The following TPST2 variants were observed in gnomAD, a reference collection of about 807,000 sequenced individuals.
TPST2 encodes the protein protein-tyrosine sulfotransferase 2.
In TPST2, 16 loss-of-function variants were observed where a neutral mutation model predicts 27.8. That is an observed-to-expected ratio of 0.58 (90% CI 0.39 to 0.88). The LOEUF (loss-of-function observed/expected upper bound fraction) is 0.88. TPST2 is among the 40% of genes least tolerant of loss of function. The pLI, the probability that TPST2 is intolerant of heterozygous loss-of-function variation, is 0.00. For missense variants in TPST2, 464 were observed against 543.1 expected (o/e 0.85, Z 1.45); for synonymous variants, 229 against 231.7 (o/e 0.99, Z 0.10).
chr22:26,540,878 G>T lies in TPST2; in HGVS notation c.753C>A (p.Leu251=), dbSNP rs1333950914. ...LVLHPRRSLK[L]ILDFLGIAWS... Reference sequence around the variant, plus strand: ...AGGCGATGCCGAGGAAGTCGAGGATGAGCTTGAGTGAGCGCCTGGGGTGCA... The same window carrying T: ...AGGCGATGCCGAGGAAGTCGAGGATTAGCTTGAGTGAGCGCCTGGGGTGCA... Residue 251 remains leucine (L), a synonymous_variant, in exon 3 of 7, where the codon CTC becomes CTA. Transcript: ENST00000338754. The T allele has an allele frequency of 5.0e-6, 8 of 1,614,156 alleles. No homozygotes were observed. Among genetic ancestry groups the T allele is most frequent in the Non-Finnish European group, 6.8e-6 (8 of 1,180,024 alleles).
chr22:26,584,562 G>A (rs926099601), intron 1 of TPST2, among the ~76,000 whole-genome samples: 1 of 152,118 alleles, frequency 6.6e-6, no homozygotes, highest in African/African-American at 2.4e-5. Context: ...GCACTTGAGA[G>A]GCCAAGGTGG....
At chr22:26,584,257 C>G (rs575374349) in intron 1 of TPST2, among the ~76,000 whole-genome samples, 1 of 152,130 alleles carries the variant, frequency 6.6e-6, no homozygotes. Context: ...TGCTTCCAAG[C>G]TCTGCTGTGC....
At chr22:26,544,573 T>C in intron 2 of TPST2, 31 bp downstream of exon 2, 1 of 984,528 alleles carries the variant, frequency 1.0e-6, no homozygotes, top group East Asian at 1.1e-4. Flanking sequence ...GGGCCAGGAC[T>C]CCAGGGGAAG....
chr22:26,541,860 T>C lies in TPST2; in HGVS notation c.-88-142A>G. The C allele has an allele frequency of 6.0e-6, 5 of 829,214 alleles. No homozygotes were observed. Among genetic ancestry groups the C allele is most frequent in the Middle Eastern group, 3.8e-4 (1 of 2,662 alleles). The allele number at this position is 829,214 out of a possible 1,614,324, so 51.4% of individuals were successfully genotyped here. A position where few individuals can be genotyped will look rare whatever the true frequency, so the allele number is the denominator to read the frequency against. ...CTTTCATAAGCACTAGCTGTGTGCCTGGCACCCTGCTGGGCACTTTTTTCA... is the reference window on the plus strand; with the variant it reads ...CTTTCATAAGCACTAGCTGTGTGCCCGGCACCCTGCTGGGCACTTTTTTCA... On this transcript the variant is annotated intron_variant, in intron 2 of 6. Coordinates refer to ENST00000338754, the MANE Select transcript of TPST2 (RefSeq NM_003595.5). This position sits in a 1 kb window ranked among gnomAD's most constrained non-coding sequence, Gnocchi z 5.9.
chr22:26,539,651 C>T (rs1201553006), intron 3 of TPST2, among the ~76,000 whole-genome samples: 3 of 151,868 alleles, frequency 2.0e-5, no homozygotes, highest in Non-Finnish European at 4.4e-5. Flanking sequence ...CGCCTGTAGT[C>T]CCAACTACTC....
chr22:26,523,273 G>A lies in TPST2; in HGVS notation c.*3002C>T, dbSNP rs1172476452. 1.3e-5 allele frequency: 2 copies of A among 152,140 alleles called. No individual in the cohort carries two copies. The highest frequency in any genetic ancestry group is 2.4e-5 in the African/African-American group (1 of 41,426). 9.4% of individuals were successfully genotyped at this position (152,140 alleles called of 1,614,324 possible). Reference sequence around the variant, plus strand: ...CTATTCAAAATGGTTTTTTCCATACGTCTTTAAGATGATAATATTTATATG... The same window carrying A: ...CTATTCAAAATGGTTTTTTCCATACATCTTTAAGATGATAATATTTATATG... On this transcript the variant is annotated 3_prime_UTR_variant, in exon 7 of 7. Transcript: ENST00000338754.
At chr22:26,563,576 G>A (rs576357545) in intron 1 of TPST2, among the ~76,000 whole-genome samples, 7 of 151,818 alleles carry the variant, frequency 4.6e-5, no homozygotes, top group East Asian at 2.0e-4. Context: ...TGATCCACCC[G>A]CCTCGGCCTC....
Position 26,523,154 on chromosome 22 carries a change from A to G in TPST2, c.*3121T>C, listed in dbSNP as rs892115753. ...CAGTGAGCTGTGTTTGTGCCACTGCACTGCAGCCTGAGCAACCAAGCGGGA... is the reference window on the plus strand; with the variant it reads ...CAGTGAGCTGTGTTTGTGCCACTGCGCTGCAGCCTGAGCAACCAAGCGGGA... On this transcript the variant is annotated 3_prime_UTR_variant, in exon 7 of 7. Transcript: ENST00000338754. The G allele has an allele frequency of 6.6e-6, 1 of 152,212 alleles. No individual in the cohort carries two copies. Among genetic ancestry groups the G allele is most frequent in the Non-Finnish European group, 1.5e-5 (1 of 68,172 alleles). 9.4% of individuals were successfully genotyped at this position (152,212 alleles called of 1,614,324 possible).
chr22:26,587,544 T>C (rs191095194), intron 1 of TPST2, among the ~76,000 whole-genome samples: 4 of 152,214 alleles, frequency 2.6e-5, no homozygotes, highest in African/African-American at 9.6e-5. Flanking sequence ...TTTCACCATA[T>C]TGGATAGGCT....
intron 5 of TPST2, among the ~76,000 whole-genome samples, chr22:26,531,487 C>T (rs1424140883): frequency 6.6e-6 from 1 of 152,208 alleles, no homozygotes; most frequent in Admixed American, 6.5e-5. Context: ...AAAGTGCATA[C>T]GCACTCCAGA....
intron 5 of TPST2, among the ~76,000 whole-genome samples, chr22:26,531,517 A>C (rs900832420): frequency 2.0e-5 from 3 of 152,172 alleles, no homozygotes; most frequent in Non-Finnish European, 2.9e-5. Context: ...CACACTCCCC[A>C]CTTTCAGGCG....
chr22:26,561,209 C>A, intron 1 of TPST2: 2 of 1,536,810 alleles, frequency 1.3e-6, no homozygotes, highest in South Asian at 2.6e-5. Context: ...AGCATTTAAC[C>A]CCCCTGTACA....
At chr22:26,568,251 GCAATAACAACA>G (rs1927453488) in intron 1 of TPST2, among the ~76,000 whole-genome samples, 1 of 152,134 alleles carries the variant, frequency 6.6e-6, no homozygotes, top group Non-Finnish European at 1.5e-5. Flanking sequence ...AGAACCTTAC[GCAATAACAACA>G]CCTGTGATGA....
At chr22:26,579,725 C>T (rs1441977673) in intron 1 of TPST2, among the ~76,000 whole-genome samples, 2 of 151,308 alleles carry the variant, frequency 1.3e-5, no homozygotes, top group East Asian at 1.9e-4. Flanking sequence ...GGGTCGGCAG[C>T]GGGAAGGAAG....
chr22:26,588,130 A>G (rs1928412912), intron 1 of TPST2, among the ~76,000 whole-genome samples: 1 of 151,992 alleles, frequency 6.6e-6, no homozygotes, highest in Non-Finnish European at 1.5e-5. Context: ...CCATCAGCTG[A>G]CAAATGGATA....
At chr22:26,559,810 C>T (rs1926990700) in intron 1 of TPST2, among the ~76,000 whole-genome samples, 4 of 152,146 alleles carry the variant, frequency 2.6e-5, no homozygotes. Flanking sequence ...TTTCTGCAAA[C>T]CCCCACTTAA....
chr22:26,578,441 G>A (rs78599476), intron 1 of TPST2, among the ~76,000 whole-genome samples: 5,520 of 152,272 alleles, frequency 0.036, 166 homozygotes, highest in East Asian at 0.11. Context: ...AGCAACCTGT[G>A]TTGAAGAAGC....
intron 1 of TPST2, among the ~76,000 whole-genome samples, chr22:26,575,759 G>C (rs1927808252): frequency 6.6e-6 from 1 of 152,202 alleles, no homozygotes; most frequent in Non-Finnish European, 1.5e-5. Context: ...ACTTTGGGAG[G>C]CCAAGGTGGG....
chr22:26,540,565 C>T (rs1925735036), intron 3 of TPST2, among the ~76,000 whole-genome samples: 2 of 152,312 alleles, frequency 1.3e-5, no homozygotes, highest in African/African-American at 4.8e-5. Context: ...CAGACCGAGA[C>T]ACTGCCTCAA....
Sources: allele counts gnomAD v4.1 joint callset (sites outside exome capture counted in the v4.1 genomes callset), GRCh38; gene constraint gnomAD v4.1.1; non-coding constraint Gnocchi (gnomAD v3.1); transcripts MANE v1.5; gene names NCBI Gene and HGNC (gene_info 2026-07-23, HGNC 2026-07-21).